Variants in SLC43A1 observed in about 807,000 individuals in gnomAD.
SLC43A1 encodes the protein solute carrier family 43 member 1, also known as large neutral amino acids transporter small subunit 3.
Under a neutral mutation model 59.5 loss-of-function variants are expected in SLC43A1, and 31 were observed. That is an observed-to-expected ratio of 0.52 (90% CI 0.39 to 0.70). SLC43A1 has a LOEUF of 0.70. SLC43A1 is among the 30% of genes least tolerant of loss of function. SLC43A1 has a pLI of 0.00. For missense variants in SLC43A1, 598 were observed against 717.8 expected, an observed-to-expected ratio of 0.83 and a Z score of 1.91; for synonymous variants, 259 against 290.9, an observed-to-expected ratio of 0.89 and a Z score of 1.12.
chr11:57,487,239 A>G, intron 13 of SLC43A1, 21 bp from the exon 14 acceptor site: 3 of 1,608,622 alleles, frequency 1.9e-6, no homozygotes, highest in Middle Eastern at 3.6e-4. Flanking sequence ...GACGGGGAGT[A>G]TCAGGGGTGT....
chr11:57,505,407 G>A (rs1472706001), intron 2 of SLC43A1, among the ~76,000 whole-genome samples: 1 of 152,014 alleles, frequency 6.6e-6, no homozygotes, highest in Non-Finnish European at 1.5e-5. Context: ...AGCTACTCCA[G>A]AGGCTGAGGC....
At chr11:57,493,045 G>T (rs569971618) in intron 8 of SLC43A1, among the ~76,000 whole-genome samples, 2 of 151,966 alleles carry the variant, frequency 1.3e-5, no homozygotes, top group African/African-American at 4.8e-5. Flanking sequence ...ATCTCGGGGC[G>T]GGGGGGAAAG....
chr11:57,510,988 T>TA (rs912242085), intron 2 of SLC43A1, among the ~76,000 whole-genome samples: 36 of 149,962 alleles, frequency 2.4e-4, no homozygotes, highest in South Asian at 1.9e-3. Flanking sequence ...GTCTCAAAAA[T>TA]AAAAAAAAAA....
In SLC43A1 at chr11:57,487,235, G is replaced by T; in HGVS notation, c.1410-17C>A. 1.2e-6 allele frequency: 2 copies of T among 1,610,330 alleles called. No individual in the cohort carries two copies. Among genetic ancestry groups the T allele is most frequent in the Non-Finnish European group, 1.7e-6 (2 of 1,177,464 alleles). On this transcript the variant is annotated splice_polypyrimidine_tract_variant and intron_variant, in intron 13 of 14. Coordinates refer to ENST00000278426, the MANE Select transcript of SLC43A1 (RefSeq NM_003627.6). Reference sequence around the variant, plus strand: ...GATGGGAACCTGTCCACGAGACGGGGAGTATCAGGGGTGTGTGGCCCTCTC... The same window carrying T: ...GATGGGAACCTGTCCACGAGACGGGTAGTATCAGGGGTGTGTGGCCCTCTC...
At chr11:57,489,086 A>C (rs1590745944) in intron 12 of SLC43A1, 97 bp from the exon 13 acceptor site, 1 of 1,436,892 alleles carries the variant, frequency 7.0e-7, no homozygotes, top group Non-Finnish European at 9.7e-7. Context: ...CTCAATTCCC[A>C]CCCCCTCGCC....
chr11:57,489,378 G>A lies in SLC43A1; in HGVS notation c.1208C>T (p.Thr403Ile). ...GCAGTAGCGTGGTCTGATGGATTTGGTAGCAACCCCGTCCCTGAGGAGTAC... is the reference window on the plus strand; with the variant it reads ...GCAGTAGCGTGGTCTGATGGATTTGATAGCAACCCCGTCCCTGAGGAGTAC... The part of the protein sequence containing the change: ...VLGDARDGVA[T>I]KSIRPRYCKI... Residue 403 changes from threonine (T) to isoleucine (I), a missense_variant, in exon 12 of 15, where the codon ACC becomes ATC. Physicochemically the swap from Thr to Ile is moderately conservative, Grantham distance 89. Coordinates refer to ENST00000278426, the MANE Select transcript of SLC43A1 (RefSeq NM_003627.6). 6.2e-7 allele frequency: 1 copy of A among 1,614,182 alleles called. No homozygotes were observed.
chr11:57,502,353 C>A (rs1944288107), intron 2 of SLC43A1, among the ~76,000 whole-genome samples: 1 of 152,210 alleles, frequency 6.6e-6, no homozygotes, highest in Non-Finnish European at 1.5e-5. Flanking sequence ...GTAAACCGGA[C>A]CAAAGAATGC....
chr11:57,493,885 G>T, intron 8 of SLC43A1, 108 bp downstream of exon 8: 1 of 1,084,964 alleles, frequency 9.2e-7, no homozygotes, highest in Non-Finnish European at 1.3e-6. Flanking sequence ...ATGGGGTGTT[G>T]TAAGGACTGA....
rs867374381 is a variant in SLC43A1 at position 57,513,060 on chromosome 11, G to A, written c.154+898C>T. 5.3e-5 allele frequency among the ~76,000 whole-genome samples: 8 copies of A among 152,236 alleles called. No homozygotes were observed. The South Asian group carries it at 1.0e-3, about 20-fold the overall frequency. On this transcript the variant is annotated intron_variant, in intron 2 of 14. Transcript: ENST00000278426. ...CTGCAGACTCTCACAGCACTCCCAC[G>A]GAATCGATATTATTATCCCCATTCT... is the stretch of plus-strand genomic sequence containing the variant.
At position 57,485,060 on chromosome 11, in the gene SLC43A1, G is replaced by A. The variant is rs1343459530; in HGVS notation, c.*36C>T. On this transcript the variant is annotated 3_prime_UTR_variant, in exon 15 of 15. Transcript: ENST00000278426. The stretch of plus-strand genomic sequence containing the variant: ...CACTCCTTTTGGTTGCTCAGGCCTT[G>A]ATTGCCTGTCATCCAGGTCCCTTGG... 6.3e-7 allele frequency: 1 copy of A among 1,588,744 alleles called. No individual in the cohort carries two copies. Among genetic ancestry groups the A allele is most frequent in the Admixed American group, 1.8e-5 (1 of 55,120 alleles).
intron 14 of SLC43A1, 78 bp downstream of exon 14, chr11:57,487,017 A>T: frequency 6.7e-7 from 1 of 1,489,840 alleles, no homozygotes; most frequent in East Asian, 2.3e-5. Flanking sequence ...TGAGTGAGGG[A>T]TGGCACCACA....
intron 2 of SLC43A1, among the ~76,000 whole-genome samples, chr11:57,503,516 G>T (rs1381954733): frequency 6.6e-6 from 1 of 151,954 alleles, no homozygotes; most frequent in Non-Finnish European, 1.5e-5. Flanking sequence ...TAGAGATGAG[G>T]TTTCAACTGT....
At chr11:57,513,006 A>T (rs1944592964) in intron 2 of SLC43A1, among the ~76,000 whole-genome samples, 4 of 152,210 alleles carry the variant, frequency 2.6e-5, no homozygotes, top group Admixed American at 1.3e-4. Context: ...GCCAGGAGCA[A>T]CGAGAAGGAC....
In SLC43A1 at chr11:57,491,791, G is replaced by C; in HGVS notation, c.943C>G (p.Gln315Glu). 1.2e-6 allele frequency: 2 copies of C among 1,614,190 alleles called. No individual in the cohort carries two copies. The highest frequency in any genetic ancestry group is 2.2e-5 in the South Asian group (2 of 91,086). Residue 315 changes from glutamine to glutamate, a missense_variant, in exon 9 of 15, where the codon CAG (glutamine) becomes GAG (glutamate). Gln to Glu is a conservative substitution (Grantham distance 29). Coordinates refer to ENST00000278426, the MANE Select transcript of SLC43A1 (RefSeq NM_003627.6). Reference sequence around the variant, plus strand: ...GCCATGTAGAAGATGATCCGCAGCTGGGTCATGCCCATGGTGAGGAGGCTC... The same window carrying C: ...GCCATGTAGAAGATGATCCGCAGCTCGGTCATGCCCATGGTGAGGAGGCTC... ...LWSLLTMGMT[Q>E]LRIIFYMAAV...
In SLC43A1 at chr11:57,491,576, C is replaced by T; in HGVS notation, c.1054+15G>A. 1 of 1,614,026 alleles carries T rather than the reference C, an allele frequency of 6.2e-7. No individual in the cohort carries two copies. Among genetic ancestry groups the T allele is most frequent in the Non-Finnish European group, 8.5e-7 (1 of 1,179,942 alleles). On this transcript the variant is annotated intron_variant, in intron 10 of 14. Transcript: ENST00000278426. ...GGGGTGGGCGTGAGCCAGGGCCCTG[C>T]TTTCATAGCCCTACCTGTCTCTGCC...
intron 11 of SLC43A1, 36 bp from the exon 12 acceptor site, chr11:57,489,428 A>G: frequency 6.2e-7 from 1 of 1,611,214 alleles, no homozygotes; most frequent in Admixed American, 1.7e-5. Context: ...TGCTGCCTCT[A>G]CGTTCCCAGG....
At chr11:57,491,087 T>C in intron 11 of SLC43A1, 137 bp downstream of exon 11, 1 of 1,096,146 alleles carries the variant, frequency 9.1e-7, no homozygotes, top group Non-Finnish European at 1.2e-6. Flanking sequence ...AGTTTCCTCA[T>C]CTGTAAAATG....
intron 7 of SLC43A1, chr11:57,494,443 CAG>C (rs1177347108): frequency 4.4e-6 from 2 of 449,964 alleles, no homozygotes; most frequent in Non-Finnish European, 7.8e-6. Context: ...CCTCAGACTC[CAG>C]AGTCAGACAG....
chr11:57,494,264 G>C, intron 7 of SLC43A1, 93 bp from the exon 8 acceptor site: 1 of 1,191,200 alleles, frequency 8.4e-7, no homozygotes, highest in South Asian at 1.4e-5. Flanking sequence ...GCGGTTTCCA[G>C]CACTCCTTTA....
Sources: allele counts gnomAD v4.1 joint callset (sites outside exome capture counted in the v4.1 genomes callset), GRCh38; gene constraint gnomAD v4.1.1; transcripts MANE v1.5; gene names NCBI Gene and HGNC (gene_info 2026-07-23, HGNC 2026-07-21).